Variants in TRPM8 observed in about 807,000 individuals in gnomAD.
TRPM8 encodes TRPM8 cationic channel.
TRPM8 carries 110 observed loss-of-function variants against 133.7 expected under a neutral mutation model. The ratio of observed to expected loss-of-function variants is 0.82; its 90% confidence interval spans 0.70 to 0.96. The LOEUF (loss-of-function observed/expected upper bound fraction) is 0.96. Among genes scored for constraint, TRPM8 ranks in the 40% least tolerant of loss-of-function variants. TRPM8 has a pLI of 0.00. For missense variants in TRPM8, 1,291 were observed against 1,379.5 expected, an observed-to-expected ratio of 0.94 and a Z score of 1.02; for synonymous variants, 535 against 532.3, an observed-to-expected ratio of 1.01 and a Z score of -0.07.
chr2:233,937,887 C>A (rs1007987558), intron 4 of TRPM8, among the ~76,000 whole-genome samples: 1 of 152,198 alleles, frequency 6.6e-6, no homozygotes, highest in African/African-American at 2.4e-5. Context: ...CCTTCATACT[C>A]ACTGTGCAAG....
At chr2:234,016,705 G>A (rs1288710424) in intron 25 of TRPM8, among the ~76,000 whole-genome samples, 3 of 152,130 alleles carry the variant, frequency 2.0e-5, no homozygotes, top group African/African-American at 7.2e-5. Flanking sequence ...AAAGTTGAAA[G>A]GAAGTAAGAA....
intron 8 of TRPM8, among the ~76,000 whole-genome samples, 181 bp from the exon 9 acceptor site, chr2:233,949,768 T>A (rs1425422234): frequency 6.6e-6 from 1 of 152,222 alleles, no homozygotes; most frequent in African/African-American, 2.4e-5. Flanking sequence ...CAGATTACAT[T>A]TCTCATTCAT....
At chr2:233,996,648 G>A in intron 22 of TRPM8, 132 bp downstream of exon 22, 2 of 871,464 alleles carry the variant, frequency 2.3e-6, no homozygotes, top group South Asian at 1.7e-5. Flanking sequence ...CATCTGTAAA[G>A]ATCAGGCCTC....
At chr2:233,987,929 T>C (rs1188783900) in intron 21 of TRPM8, among the ~76,000 whole-genome samples, 1 of 151,946 alleles carries the variant, frequency 6.6e-6, no homozygotes, top group Non-Finnish European at 1.5e-5. Flanking sequence ...ATCATGATTG[T>C]GAGGCCTCCC....
chr2:233,927,962 T>TCTCTCTCTCTCTCTCTCTC (rs1559516800), intron 2 of TRPM8, among the ~76,000 whole-genome samples: 2 of 31,422 alleles, frequency 6.4e-5, no homozygotes, highest in African/African-American at 2.4e-4. Flanking sequence ...CTCTCTCTCT[T>TCTCTCTCTCTCTCTCTCTC]TCTTTCTTTC....
At chr2:233,987,279 C>A (rs2125309413) in intron 21 of TRPM8, among the ~76,000 whole-genome samples, 1 of 152,234 alleles carries the variant, frequency 6.6e-6, no homozygotes, top group South Asian at 2.1e-4. Flanking sequence ...ATATAAAAAA[C>A]AAATTGCAAA....
In TRPM8 at chr2:233,973,455, C is replaced by T. The variant is rs1574746199; in HGVS notation, c.2355+3029C>T. 2.0e-5 allele frequency among the ~76,000 whole-genome samples: 3 copies of T among 152,190 alleles called. No homozygotes were observed. The South Asian group carries it at 6.2e-4, about 31-fold the overall frequency. ...TCGATGCATCCCTCTGATCCCTGTC[C>T]TCATGGGTGACTCCTGCATGAGTGA... On this transcript the variant is annotated intron_variant, in intron 17 of 25. Coordinates refer to ENST00000324695, the MANE Select transcript of TRPM8 (RefSeq NM_024080.5).
chr2:233,927,918 C>T lies in TRPM8; in HGVS notation c.117+1264C>T, dbSNP rs868838146. On this transcript the variant is annotated intron_variant, in intron 2 of 25. Transcript: ENST00000324695. The stretch of plus-strand genomic sequence containing the variant: ...TCTTTCTTTCTTTCTTTCTCTCTCT[C>T]TCTCTTTCTCTCTCTCTCTCTCTCT... Among the ~76,000 whole-genome samples, 73 of 39,326 alleles carry T rather than the reference C, an allele frequency of 1.9e-3. 4 individuals carry two copies. The East Asian group carries it at 0.032, about 17-fold the overall frequency. The allele number at this position is 39,326 out of a possible 152,430, so 25.8% of individuals were successfully genotyped here.
At chr2:233,969,990 G>A in intron 16 of TRPM8, 183 bp downstream of exon 16, 2 of 665,312 alleles carry the variant, frequency 3.0e-6, no homozygotes, top group Non-Finnish European at 5.3e-6. Flanking sequence ...AAATGGGTAG[G>A]GGTGGGGTTG....
intron 17 of TRPM8, among the ~76,000 whole-genome samples, chr2:233,978,545 C>G (rs1334745169): frequency 6.6e-6 from 1 of 152,082 alleles, no homozygotes; most frequent in Non-Finnish European, 1.5e-5. Context: ...TTCTGTTTCC[C>G]ATACTTTTCT....
rs566441458 is a variant in TRPM8 at position 233,931,379 on chromosome 2, C to T, written c.191+638C>T. Reference sequence around the variant, plus strand: ...CCACTCTCCTTATTCCTCTCTGCCCCTTCCTTTCTGTTGGCTGGCAATGCA... The same window carrying T: ...CCACTCTCCTTATTCCTCTCTGCCCTTTCCTTTCTGTTGGCTGGCAATGCA... On this transcript the variant is annotated intron_variant, in intron 3 of 25. Transcript: ENST00000324695. Among the ~76,000 whole-genome samples, 6 of 152,146 alleles carry T rather than the reference C, an allele frequency of 3.9e-5. No individual in the cohort carries two copies. The East Asian group carries it at 1.2e-3, about 30-fold the overall frequency.
chr2:234,009,683 T>C (rs758978068), intron 24 of TRPM8, among the ~76,000 whole-genome samples: 3 of 152,096 alleles, frequency 2.0e-5, no homozygotes, highest in Non-Finnish European at 4.4e-5. Flanking sequence ...TTTTAAAATT[T>C]CCCCCTCTGT....
rs28901614 is a variant in TRPM8, at chr2:233,931,892, G to A, written c.191+1151G>A. The stretch of plus-strand genomic sequence containing the variant: ...CTAATATTATCAACCTCCTTGCAAG[G>A]AAGCTGTTGCTACCTTTAAGGCAAG... On this transcript the variant is annotated intron_variant, in intron 3 of 25. Transcript: ENST00000324695. Among the ~76,000 whole-genome samples, 12 of 152,308 alleles carry A rather than the reference G, an allele frequency of 7.9e-5. No homozygotes were observed. The East Asian group carries it at 1.9e-3, about 24-fold the overall frequency.
intron 18 of TRPM8, among the ~76,000 whole-genome samples, chr2:233,981,385 G>C (rs879385327): frequency 5.3e-5 from 8 of 152,114 alleles, no homozygotes; most frequent in Non-Finnish European, 1.0e-4. Context: ...TTCATTAGGG[G>C]AAAGCTGGCA....
intron 17 of TRPM8, among the ~76,000 whole-genome samples, chr2:233,977,850 A>G (rs1451575532): frequency 6.6e-6 from 1 of 152,226 alleles, no homozygotes; most frequent in Non-Finnish European, 1.5e-5. Context: ...CTATATGGCA[A>G]GATGTATCTG....
intron 2 of TRPM8, 81 bp from the exon 3 acceptor site, chr2:233,930,587 A>G (rs1331006206): frequency 2.9e-5 from 26 of 886,090 alleles, no homozygotes; most frequent in Non-Finnish European, 4.4e-5. Context: ...AAGTGGGGTT[A>G]CATCATATTT....
chr2:233,948,700 A>G (rs1035949165), intron 8 of TRPM8, among the ~76,000 whole-genome samples: 10 of 152,178 alleles, frequency 6.6e-5, no homozygotes, highest in African/African-American at 1.2e-4. Context: ...AACAACCCAC[A>G]GTAGTGGGGG....
intron 15 of TRPM8, 38 bp from the exon 16 acceptor site, chr2:233,969,657 T>A: frequency 7.7e-7 from 1 of 1,304,900 alleles, no homozygotes; most frequent in Non-Finnish European, 1.1e-6. Flanking sequence ...ACAATTGTGT[T>A]AATAAGGACC....
At chr2:233,983,825 T>A (rs28902206) in intron 20 of TRPM8, among the ~76,000 whole-genome samples, 6,433 of 152,274 alleles carry the variant, frequency 0.042, 394 homozygotes, top group African/African-American at 0.14. Context: ...CCTACCACGA[T>A]AAAACCATCC....
Sources: gnomAD v4.1 joint callset for allele counts (sites outside exome capture counted in the v4.1 genomes callset) on GRCh38, gnomAD v4.1.1 for gene constraint, MANE v1.5 for transcripts, NCBI Gene and HGNC (gene_info 2026-07-23, HGNC 2026-07-21) for gene names.